Variants in MAGI1 observed in about 807,000 individuals in gnomAD.
MAGI1 encodes membrane associated guanylate kinase, WW and PDZ domain containing 1.
In MAGI1, 58 loss-of-function variants were observed where a neutral mutation model predicts 139.9. That is an observed-to-expected ratio of 0.41 (90% CI 0.34 to 0.52). The LOEUF (loss-of-function observed/expected upper bound fraction) is 0.52. MAGI1 is among the 20% of genes least tolerant of loss of function. The pLI is 0.12. For synonymous variants in MAGI1, 812 were observed against 737.9 expected, an observed-to-expected ratio of 1.10 and a Z score of -1.63; for missense variants, 1,874 against 1,901.6, an observed-to-expected ratio of 0.99 and a Z score of 0.27.
chr3:65,929,746 A>C (rs944341788), intron 1 of MAGI1, among the ~76,000 whole-genome samples: 2 of 151,968 alleles, frequency 1.3e-5, no homozygotes, highest in African/African-American at 4.8e-5. Context: ...AAAGTTTAAA[A>C]CTCCAACAAA....
At chr3:65,701,233 G>C (rs2089585668) in intron 1 of MAGI1, among the ~76,000 whole-genome samples, 1 of 152,120 alleles carries the variant, frequency 6.6e-6, no homozygotes, top group African/African-American at 2.4e-5. Context: ...TCTCATAAAA[G>C]AAAAGCTCTA....
At chr3:65,434,045 A>G (rs1409344862) in intron 10 of MAGI1, among the ~76,000 whole-genome samples, 3 of 152,168 alleles carry the variant, frequency 2.0e-5, no homozygotes, top group Non-Finnish European at 2.9e-5. Context: ...TCCATACCGA[A>G]CAGCATAGAT....
intron 1 of MAGI1, among the ~76,000 whole-genome samples, chr3:65,776,965 A>T (rs1226465496): frequency 2.0e-5 from 3 of 151,758 alleles, no homozygotes; most frequent in African/African-American, 4.8e-5. Context: ...ACCTTCTTCT[A>T]CCCTCTCCTT....
chr3:66,020,748 C>T (rs561430631), intron 1 of MAGI1, among the ~76,000 whole-genome samples: 4 of 152,226 alleles, frequency 2.6e-5, no homozygotes, highest in Admixed American at 2.0e-4. Flanking sequence ...TATACAACCT[C>T]GGGGTAACAC....
At chr3:65,574,957 C>T (rs900722762) in intron 2 of MAGI1, among the ~76,000 whole-genome samples, 3 of 151,854 alleles carry the variant, frequency 2.0e-5, no homozygotes, top group Admixed American at 1.3e-4. Context: ...AAACTAAAAC[C>T]GAAAACCATA....
At chr3:65,674,600 AAC>A (rs778291471) in intron 1 of MAGI1, among the ~76,000 whole-genome samples, 1 of 152,150 alleles carries the variant, frequency 6.6e-6, no homozygotes, top group Non-Finnish European at 1.5e-5. Flanking sequence ...AGACAGTTTC[AAC>A]ACTGCCTTTC....
At chr3:65,916,657 G>C (rs2061921448) in intron 1 of MAGI1, among the ~76,000 whole-genome samples, 1 of 152,102 alleles carries the variant, frequency 6.6e-6, no homozygotes, top group African/African-American at 2.4e-5. Flanking sequence ...AATTAAAAAT[G>C]AGATTTGGGT....
rs757053783 is a variant in MAGI1 at position 65,733,122 on chromosome 3, G to A, written c.314-111034C>T. Among the ~76,000 whole-genome samples the A allele has an allele frequency of 9.2e-5, 14 of 151,770 alleles. No individual in the cohort carries two copies. In the South Asian group the frequency reaches 1.9e-3, roughly 20 times the overall value. On this transcript the variant is annotated intron_variant, in intron 1 of 22. Transcript: ENST00000402939. ...TGGAGTGCAATGAGTGCAATGGCGC[G>A]ATCTTGGCTCACTGCAACCTCCGCC...
At chr3:65,932,937 T>A (rs1447412374) in intron 1 of MAGI1, among the ~76,000 whole-genome samples, 1 of 152,242 alleles carries the variant, frequency 6.6e-6, no homozygotes, top group Non-Finnish European at 1.5e-5. Flanking sequence ...CAGACTACAT[T>A]TACTTAACAG....
At chr3:65,463,286 A>C (rs1039585877) in intron 5 of MAGI1, among the ~76,000 whole-genome samples, 2 of 152,096 alleles carry the variant, frequency 1.3e-5, no homozygotes, top group African/African-American at 2.4e-5. Context: ...AACAATACCT[A>C]GTTTATTGAG....
At chr3:65,752,229 G>A (rs2036214535) in intron 1 of MAGI1, among the ~76,000 whole-genome samples, 1 of 152,184 alleles carries the variant, frequency 6.6e-6, no homozygotes, top group African/African-American at 2.4e-5. Context: ...GATTACAAGA[G>A]TGACCCACTG....
chr3:65,551,557 C>A (rs2079834336), intron 2 of MAGI1, among the ~76,000 whole-genome samples: 2 of 152,212 alleles, frequency 1.3e-5, no homozygotes, highest in South Asian at 4.1e-4. Flanking sequence ...GCCTCGGCCT[C>A]CCAAAGTGCT....
chr3:65,759,863 T>C (rs140646425), intron 1 of MAGI1, among the ~76,000 whole-genome samples: 2 of 152,224 alleles, frequency 1.3e-5, no homozygotes, highest in African/African-American at 2.4e-5. Flanking sequence ...TTGAGTGATA[T>C]AGCACTGAAA....
At chr3:65,736,274 G>A (rs2034720716) in intron 1 of MAGI1, among the ~76,000 whole-genome samples, 1 of 152,126 alleles carries the variant, frequency 6.6e-6, no homozygotes, top group Non-Finnish European at 1.5e-5. Flanking sequence ...ATCTTCCAGT[G>A]GTGACTTTTA....
intron 1 of MAGI1, among the ~76,000 whole-genome samples, chr3:65,915,822 GCTTC>G (rs1191156367): frequency 6.6e-6 from 1 of 151,792 alleles, no homozygotes; most frequent in African/African-American, 2.4e-5. Flanking sequence ...GTTCATTTGT[GCTTC>G]CTTATTTCTA....
chr3:65,904,772 C>G (rs1489810551), intron 1 of MAGI1, among the ~76,000 whole-genome samples: 1 of 152,224 alleles, frequency 6.6e-6, no homozygotes, highest in East Asian at 1.9e-4. Flanking sequence ...CCTCACTAGA[C>G]TGGAAGCTCC....
intron 1 of MAGI1, among the ~76,000 whole-genome samples, chr3:65,931,238 T>A (rs372594414): frequency 6.6e-6 from 1 of 152,276 alleles, no homozygotes; most frequent in African/African-American, 2.4e-5. Flanking sequence ...TTTCACTGTG[T>A]TAGCCAGGAT....
intron 1 of MAGI1, among the ~76,000 whole-genome samples, chr3:65,775,043 C>T (rs1261162429): frequency 6.6e-6 from 1 of 152,116 alleles, no homozygotes; most frequent in Non-Finnish European, 1.5e-5. Context: ...TTTTTATTAT[C>T]ATCATCATTC....
intron 2 of MAGI1, among the ~76,000 whole-genome samples, chr3:65,553,631 G>A (rs1004361285): frequency 6.6e-6 from 1 of 152,006 alleles, no homozygotes; most frequent in African/African-American, 2.4e-5. Context: ...CGGTGCAAGG[G>A]GACATATTAA....
Sources: gnomAD v4.1 joint callset for allele counts (sites outside exome capture counted in the v4.1 genomes callset) on GRCh38, gnomAD v4.1.1 for gene constraint, MANE v1.5 for transcripts, NCBI Gene and HGNC (gene_info 2026-07-23, HGNC 2026-07-21) for gene names.